The following ARHGAP21 variants were observed in gnomAD, a reference collection of about 807,000 sequenced individuals.
ARHGAP21 encodes rho GTPase-activating protein 21.
ARHGAP21 carries 38 observed loss-of-function variants against 164.6 expected under a neutral mutation model. The observed-to-expected ratio is 0.23, with a 90% CI of 0.18 to 0.30. The LOEUF is 0.30. Among genes scored for constraint, ARHGAP21 ranks in the 10% least tolerant of loss-of-function variants. The pLI, the probability that ARHGAP21 is intolerant of heterozygous loss-of-function variation, is 1.00. For synonymous variants in ARHGAP21, 766 were observed against 857.9 expected (o/e 0.89, Z 1.87); for missense variants, 1,822 against 2,370.7 (o/e 0.77, Z 4.81).
At position 24,597,535 on chromosome 10, in the gene ARHGAP21, C is replaced by T; in HGVS notation, c.3246G>A (p.Arg1082=). 1 of 1,614,070 alleles carries T rather than the reference C, an allele frequency of 6.2e-7. No individual in the cohort carries two copies. The highest frequency in any genetic ancestry group is 8.5e-7 in the Non-Finnish European group (1 of 1,179,956). Residue 1082 remains arginine, a synonymous_variant, in exon 16 of 26, where the codon AGG becomes AGA. Transcript: ENST00000396432. The part of the protein sequence containing the change: ...PKTPRQSLSI[R]QTLLGAKSEP... ...CTGATTTAGCACCAAGCAAAGTTTGCCTGATGCTGAGACTCTGGCGAGGTG... is the reference window on the plus strand; with the variant it reads ...CTGATTTAGCACCAAGCAAAGTTTGTCTGATGCTGAGACTCTGGCGAGGTG...
Position 24,652,076 on chromosome 10 carries a change from C to T in ARHGAP21, c.268+14909G>A, listed in dbSNP as rs116955005. ...GGCTTTCTGGGACACATGCAATCTC[C>T]GTCGCATATTCTTCTTTTTTTAACA... On this transcript the variant is annotated intron_variant, in intron 4 of 25. Transcript: ENST00000396432. Among the ~76,000 whole-genome samples, 26 of 152,222 alleles carry T rather than the reference C, an allele frequency of 1.7e-4. No homozygotes were observed. The East Asian group carries it at 2.5e-3, about 15-fold the overall frequency.
intron 2 of ARHGAP21, among the ~76,000 whole-genome samples, chr10:24,677,355 A>C (rs1841355702): frequency 6.6e-6 from 1 of 152,212 alleles, no homozygotes; most frequent in Non-Finnish European, 1.5e-5. Flanking sequence ...TGCAACTAGA[A>C]AGATGCATCA....
intron 2 of ARHGAP21, among the ~76,000 whole-genome samples, chr10:24,686,291 T>C (rs963241558): frequency 3.9e-5 from 6 of 151,974 alleles, no homozygotes; most frequent in African/African-American, 1.5e-4. Flanking sequence ...CAGCCAGACA[T>C]AGTAGCATGC....
chr10:24,668,214 A>C (rs529281667), intron 3 of ARHGAP21, among the ~76,000 whole-genome samples: 15 of 152,350 alleles, frequency 9.8e-5, no homozygotes, highest in African/African-American at 3.6e-4. Context: ...GCTGTTAACA[A>C]GCGTAAGCAT....
At chr10:24,645,867 CAAT>C (rs965128249) in intron 4 of ARHGAP21, among the ~76,000 whole-genome samples, 5 of 152,024 alleles carry the variant, frequency 3.3e-5, no homozygotes, top group African/African-American at 4.8e-5. Flanking sequence ...CAATGGAGAA[CAAT>C]AAGCAGAGTG....
chr10:24,622,214 T>C (rs981524990), intron 8 of ARHGAP21, among the ~76,000 whole-genome samples: 2 of 151,754 alleles, frequency 1.3e-5, no homozygotes, highest in Admixed American at 6.6e-5. Context: ...AAATCAACTA[T>C]AGAGACTTTA....
rs2132365285 is a variant in ARHGAP21, at chr10:24,721,999, AG to A, written c.-101del. On this transcript the variant is annotated 5_prime_UTR_variant, in exon 2 of 26. Coordinates refer to ENST00000396432, the MANE Select transcript of ARHGAP21 (RefSeq NM_020824.4). The stretch of plus-strand genomic sequence containing the variant: ...CCCGAAGGGGAAGAATTCCACAAGC[AG>A]GCTCCGAGGAGGGGCAGGGCTGTTG... The A allele has an allele frequency of 7.7e-7, 1 of 1,296,012 alleles. No individual in the cohort carries two copies. Among genetic ancestry groups the A allele is most frequent in the Admixed American group, 1.9e-5 (1 of 53,012 alleles). The allele number at this position is 1,296,012 out of a possible 1,614,324, so 80.3% of individuals were successfully genotyped here. A position where few individuals can be genotyped will look rare whatever the true frequency, so the allele number is the denominator to read the frequency against.
intron 21 of ARHGAP21, 24 bp from the exon 22 acceptor site, chr10:24,592,036 A>C: frequency 6.5e-7 from 1 of 1,527,474 alleles, no homozygotes; most frequent in East Asian, 2.3e-5. Context: ...TGATACTGGG[A>C]AATACCAGAA....
chr10:24,677,910 TC>T (rs951684267), intron 2 of ARHGAP21, among the ~76,000 whole-genome samples: 1 of 152,172 alleles, frequency 6.6e-6, no homozygotes, highest in Non-Finnish European at 1.5e-5. Flanking sequence ...AAATTTTAGT[TC>T]TTTTTTAAAT....
intron 2 of ARHGAP21, among the ~76,000 whole-genome samples, chr10:24,693,681 A>C (rs1455906621): frequency 2.0e-5 from 3 of 151,630 alleles, no homozygotes; most frequent in Non-Finnish European, 2.9e-5. Context: ...AGAGGGATTG[A>C]CTCTAACCTA....
At chr10:24,627,887 C>A (rs1835298620) in intron 7 of ARHGAP21, among the ~76,000 whole-genome samples, 1 of 152,168 alleles carries the variant, frequency 6.6e-6, no homozygotes, top group South Asian at 2.1e-4. Context: ...GCTTCCATGC[C>A]AGCCATTCTG....
chr10:24,610,739 G>C (rs1275412224), intron 9 of ARHGAP21, among the ~76,000 whole-genome samples: 1 of 152,018 alleles, frequency 6.6e-6, no homozygotes, highest in East Asian at 1.9e-4. Flanking sequence ...ATTTCATATT[G>C]TGAAAATTCA....
intron 14 of ARHGAP21, among the ~76,000 whole-genome samples, 169 bp downstream of exon 14, chr10:24,600,477 G>A (rs1014069950): frequency 2.0e-5 from 3 of 152,132 alleles, no homozygotes; most frequent in African/African-American, 7.2e-5. Context: ...TCCAATGTGT[G>A]AAAATAATAT....
chr10:24,689,297 T>C (rs1842491983), intron 2 of ARHGAP21, among the ~76,000 whole-genome samples: 1 of 152,192 alleles, frequency 6.6e-6, no homozygotes. Flanking sequence ...TTTATATTTA[T>C]GAAAACATAA....
chr10:24,627,284 C>T (rs1835231121), intron 7 of ARHGAP21, among the ~76,000 whole-genome samples: 1 of 152,102 alleles, frequency 6.6e-6, no homozygotes, highest in Admixed American at 6.6e-5. Context: ...AATAAATATT[C>T]AACCTCATGG....
At chr10:24,694,647 G>A (rs988878716) in intron 2 of ARHGAP21, among the ~76,000 whole-genome samples, 7 of 152,292 alleles carry the variant, frequency 4.6e-5, no homozygotes, top group African/African-American at 1.4e-4. Context: ...TGTAGGTGGT[G>A]TCCTCTGAAC....
At chr10:24,710,063 GTTCT>G (rs1403791493) in intron 2 of ARHGAP21, among the ~76,000 whole-genome samples, 3 of 152,156 alleles carry the variant, frequency 2.0e-5, no homozygotes, top group Non-Finnish European at 2.9e-5. Context: ...AACAAAAGTT[GTTCT>G]TTCTGAGAAA....
intron 2 of ARHGAP21, among the ~76,000 whole-genome samples, chr10:24,698,986 C>G (rs1021683303): frequency 3.3e-5 from 5 of 152,152 alleles, no homozygotes; most frequent in Non-Finnish European, 7.4e-5. Context: ...GGAAGAACAT[C>G]AACTAATCAA....
At chr10:24,612,692 A>C (rs2131065353) in intron 9 of ARHGAP21, among the ~76,000 whole-genome samples, 1 of 151,486 alleles carries the variant, frequency 6.6e-6, no homozygotes, top group South Asian at 2.1e-4. Context: ...GTCTCTACTA[A>C]AAATACAAAA....
Sources: gnomAD v4.1 joint callset for allele counts (sites outside exome capture counted in the v4.1 genomes callset) on GRCh38, gnomAD v4.1.1 for gene constraint, MANE v1.5 for transcripts, NCBI Gene and HGNC (gene_info 2026-07-23, HGNC 2026-07-21) for gene names.